The following CCDC88C variants were observed in gnomAD, a reference collection of about 807,000 sequenced individuals.
The protein encoded by CCDC88C is protein Daple.
Under a neutral mutation model 198.8 loss-of-function variants are expected in CCDC88C, and 131 were observed. The ratio of observed to expected loss-of-function variants is 0.66; its 90% CI spans 0.57 to 0.76. The LOEUF (loss-of-function observed/expected upper bound fraction) is 0.76, where lower values mean the gene tolerates loss of function less well. Ranked by LOEUF, CCDC88C falls within the 30% of genes least tolerant of loss-of-function variation. CCDC88C has a pLI of 0.00. For synonymous variants in CCDC88C, 1,166 were observed against 1,114.7 expected (o/e 1.05, Z -0.92); for missense variants, 2,553 against 2,631.6 (o/e 0.97, Z 0.65).
rs1891593673 is a variant in CCDC88C at position 91,307,184 on chromosome 14, C to T, written c.3049G>A (p.Gly1017Arg). The T allele has an allele frequency of 6.2e-7, 1 of 1,613,900 alleles. No homozygotes were observed. The highest frequency in any genetic ancestry group is 1.3e-5 in the African/African-American group (1 of 75,050). The change falls in exon 18 of 30, where the codon GGG becomes AGG. Residue 1017 changes from glycine (G) to arginine (R), a missense_variant. Transcript: ENST00000389857. ...TTGAAAGAGTTCTGCAAGTGCTGCC[C>T]CTCTCCCTGGTTCTGCCTGAGGGTC... ...CETLRQNQGEGQHLQNSFKHP... is the reference protein window; with the variant it reads ...CETLRQNQGERQHLQNSFKHP...
At chr14:91,282,142 C>T (rs1365134911) in intron 26 of CCDC88C, among the ~76,000 whole-genome samples, 1 of 152,188 alleles carries the variant, frequency 6.6e-6, no homozygotes, top group African/African-American at 2.4e-5. Flanking sequence ...AAAATGACAA[C>T]AGGGTCTCCA....
chr14:91,365,537 A>T (rs1288497890), intron 3 of CCDC88C, among the ~76,000 whole-genome samples: 1 of 152,188 alleles, frequency 6.6e-6, no homozygotes, highest in Non-Finnish European at 1.5e-5. Flanking sequence ...GAAATGGTGC[A>T]TCCACTCAAC....
At chr14:91,355,136 T>C (rs1361144966) in intron 4 of CCDC88C, among the ~76,000 whole-genome samples, 1 of 151,454 alleles carries the variant, frequency 6.6e-6, no homozygotes. Flanking sequence ...GGGGCAGAGG[T>C]GAGGACACTG....
At position 91,272,673 on chromosome 14, in the gene CCDC88C, C is replaced by G; in HGVS notation, c.6039G>C (p.Glu2013Asp). The change falls in exon 30 of 30, where the codon GAG becomes GAC. Residue 2013 changes from glutamate (E) to aspartate (D), a missense_variant. Around this residue, in one of 2 missense-constraint regions of CCDC88C, gnomAD observed 1,293 missense variants for 1,219.6 expected, o/e 1.06. Transcript: ENST00000389857. ...ACACGGTCTGCGGATCCCCGCCGGG[C>G]TCCGGGGAGGCCGGACTGCTCTTTG... is the stretch of plus-strand genomic sequence containing the variant. Reference protein sequence around the residue: ...SVSKSSPASPEPGGDPQTVWY... With the variant: ...SVSKSSPASPDPGGDPQTVWY... 6.2e-7 allele frequency: 1 copy of G among 1,611,708 alleles called. No homozygotes were observed. Among genetic ancestry groups the G allele is most frequent in the Non-Finnish European group, 8.5e-7 (1 of 1,179,882 alleles).
At chr14:91,411,537 A>G (rs542585213) in intron 2 of CCDC88C, among the ~76,000 whole-genome samples, 97 of 152,348 alleles carry the variant, frequency 6.4e-4, no homozygotes, top group Non-Finnish European at 1.2e-3. Flanking sequence ...TAAAAGGCCA[A>G]CACTCTAGTA....
intron 23 of CCDC88C, among the ~76,000 whole-genome samples, chr14:91,291,344 C>T (rs1890650188): frequency 6.6e-6 from 1 of 152,212 alleles, no homozygotes; most frequent in Non-Finnish European, 1.5e-5. Flanking sequence ...AGGCAGCAAA[C>T]TTCTAACAAT....
At chr14:91,330,325 T>C (rs1197650563) in intron 10 of CCDC88C, among the ~76,000 whole-genome samples, 4 of 152,202 alleles carry the variant, frequency 2.6e-5, no homozygotes, top group Non-Finnish European at 5.9e-5. Flanking sequence ...GAGGAAGCAC[T>C]TGTGCAAAAG....
rs970249209 is a variant in CCDC88C, at chr14:91,338,778, C to G, written c.810-208G>C. On this transcript the variant is annotated intron_variant, in intron 8 of 29. Coordinates refer to ENST00000389857, the MANE Select transcript of CCDC88C (RefSeq NM_001080414.4). The surrounding 1 kb of genome is among the most constrained non-coding windows in gnomAD (Gnocchi z 4.8). Reference sequence around the variant, plus strand: ...TAAGTTTGCAACACCGGCCCTTAAACTATGTCCATCCGCCACTCAGGTCTC... The same window carrying G: ...TAAGTTTGCAACACCGGCCCTTAAAGTATGTCCATCCGCCACTCAGGTCTC... The G allele has an allele frequency of 3.5e-6, 2 of 568,868 alleles. No individual in the cohort carries two copies. The highest frequency in any genetic ancestry group is 3.0e-5 in the Admixed American group (1 of 33,560). The allele number at this position is 568,868 out of a possible 1,614,324, so 35.2% of individuals were successfully genotyped here. A position where few individuals can be genotyped will look rare whatever the true frequency, so the allele number is the denominator to read the frequency against.
chr14:91,354,539 T>C (rs1441803234), intron 4 of CCDC88C, among the ~76,000 whole-genome samples: 3 of 152,200 alleles, frequency 2.0e-5, no homozygotes, highest in African/African-American at 7.2e-5. Context: ...ATCTCAGGCC[T>C]AGGGGAGACA....
At chr14:91,321,335 G>C in intron 12 of CCDC88C, 31 bp from the exon 13 acceptor site, 1 of 1,545,970 alleles carries the variant, frequency 6.5e-7, no homozygotes, top group Non-Finnish European at 8.7e-7. Flanking sequence ...GAGCCCAGTG[G>C]TCTGTGGGCC....
Position 91,308,682 on chromosome 14 carries a change from A to G in CCDC88C, c.2865-190T>C, listed in dbSNP as rs551952197. Among the ~76,000 whole-genome samples, 4 of 152,274 alleles carry G rather than the reference A, an allele frequency of 2.6e-5. No homozygotes were observed. In the South Asian group the frequency reaches 8.3e-4, roughly 32 times the overall value. ...CCTTTGGGGGGTTCCCTGGGTAGAA[A>G]CACCTGTGAAACCTTCAAAGGCGAC... On this transcript the variant is annotated intron_variant, in intron 16 of 29. Coordinates refer to ENST00000389857, the MANE Select transcript of CCDC88C (RefSeq NM_001080414.4).
rs1486451184 is a variant in CCDC88C at position 91,371,595 on chromosome 14, TC to T, written c.271-11885del. 9.2e-5 allele frequency among the ~76,000 whole-genome samples: 14 copies of T among 152,182 alleles called. No individual in the cohort carries two copies. Among genetic ancestry groups the T allele is most frequent in the Admixed American group, 6.5e-4 (10 of 15,300 alleles). The stretch of plus-strand genomic sequence containing the variant: ...CAAGACTGCCTCCCACACCCTCCAG[TC>T]AGGGGTGGCTCTAGCTGATTTCCTG... On this transcript the variant is annotated intron_variant, in intron 3 of 29. Coordinates refer to ENST00000389857, the MANE Select transcript of CCDC88C (RefSeq NM_001080414.4). The surrounding 1 kb of genome is among the most constrained non-coding windows in gnomAD (Gnocchi z 4.2).
intron 21 of CCDC88C, among the ~76,000 whole-genome samples, chr14:91,299,507 C>T (rs1281834548): frequency 1.3e-5 from 2 of 152,196 alleles, no homozygotes; most frequent in African/African-American, 4.8e-5. Context: ...TGCGTGTCCA[C>T]GAAAGCCCCA....
At chr14:91,411,108 C>T (rs80250523) in intron 2 of CCDC88C, among the ~76,000 whole-genome samples, 2 of 152,168 alleles carry the variant, frequency 1.3e-5, no homozygotes, top group Non-Finnish European at 2.9e-5. Context: ...GTGATTATTA[C>T]GACTCCCTCC....
At chr14:91,380,517 C>A (rs1421483167) in intron 3 of CCDC88C, among the ~76,000 whole-genome samples, 3 of 145,102 alleles carry the variant, frequency 2.1e-5, no homozygotes, top group Non-Finnish European at 4.5e-5. Flanking sequence ...CCCCTGTATA[C>A]CCTCCAATTC....
At chr14:91,310,036 G>A (rs912400537) in intron 15 of CCDC88C, 50 bp from the exon 16 acceptor site, 5 of 1,510,484 alleles carry the variant, frequency 3.3e-6, no homozygotes, top group Non-Finnish European at 4.5e-6. Flanking sequence ...AAAACACGCA[G>A]GAAGGCCAGG....
chr14:91,409,816 A>G (rs1343923518), intron 2 of CCDC88C, among the ~76,000 whole-genome samples: 1 of 152,176 alleles, frequency 6.6e-6, no homozygotes, highest in Admixed American at 6.6e-5. Context: ...TTAATTCGCC[A>G]ATAAAATCAT....
intron 4 of CCDC88C, among the ~76,000 whole-genome samples, chr14:91,345,408 G>A (rs1391487676): frequency 2.0e-5 from 3 of 151,758 alleles, no homozygotes; most frequent in South Asian, 2.1e-4. Flanking sequence ...GGCCTGGCTG[G>A]TCTTGAACTC....
At chr14:91,415,948 T>G (rs1175139085) in intron 2 of CCDC88C, among the ~76,000 whole-genome samples, 1 of 151,882 alleles carries the variant, frequency 6.6e-6, no homozygotes, top group Non-Finnish European at 1.5e-5. Context: ...CAGAGAACAT[T>G]AGGATGTTTT....
Sources: allele counts gnomAD v4.1 joint callset (sites outside exome capture counted in the v4.1 genomes callset), GRCh38; gene constraint gnomAD v4.1.1; regional missense constraint gnomAD v4.1.1; non-coding constraint Gnocchi (gnomAD v3.1); transcripts MANE v1.5; gene names NCBI Gene and HGNC (gene_info 2026-07-23, HGNC 2026-07-21).